The following SYNPR variants were observed in gnomAD, a reference collection of about 807,000 sequenced individuals.
SYNPR encodes synaptoporin.
A neutral mutation model predicts 32.9 loss-of-function variants in SYNPR; 23 were observed. The observed-to-expected ratio is 0.70, with a 90% CI of 0.50 to 0.99. The LOEUF (loss-of-function observed/expected upper bound fraction) is 0.99. SYNPR is among the 50% of genes least tolerant of loss of function. The pLI is 0.00. For synonymous variants in SYNPR, 146 were observed against 135.9 expected (o/e 1.07, Z -0.52); for missense variants, 318 against 349.3 (o/e 0.91, Z 0.71).
intron 2 of SYNPR, among the ~76,000 whole-genome samples, chr3:63,287,102 T>C (rs1335238605): frequency 6.6e-6 from 1 of 152,176 alleles, no homozygotes; most frequent in East Asian, 1.9e-4. Context: ...CAAGAAAGGA[T>C]GATGCTGCCA....
chr3:63,367,238 G>A (rs1264720251), intron 2 of SYNPR, among the ~76,000 whole-genome samples: 1 of 152,116 alleles, frequency 6.6e-6, no homozygotes, highest in Non-Finnish European at 1.5e-5. Context: ...GAATTTATAA[G>A]TGAGAATCTT....
intron 3 of SYNPR, among the ~76,000 whole-genome samples, chr3:63,520,817 C>T (rs1040607976): frequency 6.6e-6 from 1 of 152,132 alleles, no homozygotes; most frequent in Non-Finnish European, 1.5e-5. Flanking sequence ...GCCCTGTCTA[C>T]CCTGCAGGGT....
chr3:63,341,614 A>T (rs758049040), intron 2 of SYNPR, among the ~76,000 whole-genome samples: 1 of 152,180 alleles, frequency 6.6e-6, no homozygotes, highest in Non-Finnish European at 1.5e-5. Context: ...TTTCATGTTG[A>T]GCATCTTTTC....
upstream of SYNPR, among the ~76,000 whole-genome samples, chr3:63,275,483 G>GA (rs1353823336): frequency 6.6e-6 from 1 of 152,092 alleles, no homozygotes; most frequent in Non-Finnish European, 1.5e-5. Context: ...TGGAGAACTG[G>GA]AAAAAAATAT....
At chr3:63,553,731 GTTTTT>G (rs1366336400) in intron 3 of SYNPR, among the ~76,000 whole-genome samples, 1 of 151,850 alleles carries the variant, frequency 6.6e-6, no homozygotes, top group African/African-American at 2.4e-5. Flanking sequence ...TGTTTGTTTT[GTTTTT>G]TTGAGACGGA....
chr3:63,612,729 T>C (rs942201103), intron 5 of SYNPR, among the ~76,000 whole-genome samples: 1 of 152,202 alleles, frequency 6.6e-6, no homozygotes, highest in Non-Finnish European at 1.5e-5. Context: ...TACTTTTAAG[T>C]AGCATTTCCT....
intron 2 of SYNPR, among the ~76,000 whole-genome samples, chr3:63,388,680 A>T (rs1183671756): frequency 6.6e-6 from 1 of 151,720 alleles, no homozygotes; most frequent in Non-Finnish European, 1.5e-5. Context: ...TCAGCCTCCC[A>T]AAGTTGCTAA....
chr3:63,249,560 A>G (rs1285535173), intron 1 of SYNPR, among the ~76,000 whole-genome samples: 1 of 152,058 alleles, frequency 6.6e-6, no homozygotes, highest in African/African-American at 2.4e-5. Flanking sequence ...AAAGAGTGGG[A>G]GGGGGCGAGG....
intron 2 of SYNPR, among the ~76,000 whole-genome samples, chr3:63,397,721 A>T (rs193001269): frequency 6.6e-6 from 1 of 152,198 alleles, no homozygotes; most frequent in East Asian, 1.9e-4. Context: ...GCCACTGACT[A>T]GCTGTATGAC....
chr3:63,206,552 C>T, the SYNPR span, among the ~76,000 whole-genome samples: 67 of 151,812 alleles, frequency 4.4e-4, no homozygotes, highest in African/African-American at 1.6e-3. Context: ...CAGAGTGAGA[C>T]TGTGTCTCAA....
intron 2 of SYNPR, among the ~76,000 whole-genome samples, chr3:63,438,402 T>C (rs1034228226): frequency 6.6e-6 from 1 of 152,172 alleles, no homozygotes; most frequent in Non-Finnish European, 1.5e-5. Context: ...CTATGTTGCC[T>C]AGGCTGGTCT....
At chr3:63,417,904 G>T (rs1470092089) in intron 2 of SYNPR, among the ~76,000 whole-genome samples, 1 of 152,224 alleles carries the variant, frequency 6.6e-6, no homozygotes, top group Non-Finnish European at 1.5e-5. Flanking sequence ...GATGGGAGGG[G>T]CTGCTGTGAA....
intron 3 of SYNPR, among the ~76,000 whole-genome samples, chr3:63,543,540 T>C (rs1173581779): frequency 6.6e-6 from 1 of 152,084 alleles, no homozygotes; most frequent in Non-Finnish European, 1.5e-5. Flanking sequence ...TTTGTTTTTG[T>C]TTTTGTTTTT....
rs144979697 is a variant in SYNPR, at chr3:63,371,668, C to T, written c.84+92926C>T. Among the ~76,000 whole-genome samples, 105 of 152,350 alleles carry T rather than the reference C, an allele frequency of 6.9e-4. 2 individuals are homozygous for T. In the East Asian group the frequency reaches 0.02, roughly 29 times the overall value. ...AGCTCCCCAGTGCAGCACAGCTGCCCCACAGAGAAGTGGCCAGACTCTTTT... is the reference window on the plus strand; with the variant it reads ...AGCTCCCCAGTGCAGCACAGCTGCCTCACAGAGAAGTGGCCAGACTCTTTT... On this transcript the variant is annotated intron_variant, in intron 2 of 5. Coordinates refer to ENST00000478300, the MANE Select transcript of SYNPR (RefSeq NM_001130003.2).
intron 4 of SYNPR, among the ~76,000 whole-genome samples, chr3:63,560,998 T>TA (rs1028228515): frequency 8.5e-5 from 13 of 152,136 alleles, no homozygotes; most frequent in South Asian, 6.2e-4. Flanking sequence ...ACACACACTT[T>TA]AAAAAAAATT....
At chr3:63,497,621 A>G (rs1473895924) in intron 3 of SYNPR, among the ~76,000 whole-genome samples, 1 of 151,966 alleles carries the variant, frequency 6.6e-6, no homozygotes, top group Non-Finnish European at 1.5e-5. Flanking sequence ...CAAATCTGAA[A>G]TTACTACTCT....
intron 2 of SYNPR, among the ~76,000 whole-genome samples, chr3:63,350,500 T>C (rs2087492773): frequency 6.6e-6 from 1 of 152,200 alleles, no homozygotes; most frequent in African/African-American, 2.4e-5. Context: ...AAGCTGTGTG[T>C]GTATGCCTGT....
At chr3:63,308,906 G>C (rs1222424748) in intron 2 of SYNPR, among the ~76,000 whole-genome samples, 1 of 151,780 alleles carries the variant, frequency 6.6e-6, no homozygotes, top group Non-Finnish European at 1.5e-5. Context: ...AAATTTTATA[G>C]TTTTCATCAA....
intron 5 of SYNPR, among the ~76,000 whole-genome samples, chr3:63,612,222 T>A (rs1354936329): frequency 6.6e-6 from 1 of 152,114 alleles, no homozygotes; most frequent in Non-Finnish European, 1.5e-5. Context: ...AGTGAGATAA[T>A]CTATAAAAAA....
Sources: gnomAD v4.1 joint callset for allele counts (sites outside exome capture counted in the v4.1 genomes callset) on GRCh38, gnomAD v4.1.1 for gene constraint, MANE v1.5 for transcripts, NCBI Gene and HGNC (gene_info 2026-07-23, HGNC 2026-07-21) for gene names.